Variants in DCAF6 observed in about 807,000 individuals in gnomAD.
DCAF6 encodes the protein DDB1 and CUL4 associated factor 6.
DCAF6 carries 54 observed loss-of-function variants against 125.1 expected under a neutral mutation model. The ratio of observed to expected loss-of-function variants is 0.43; its 90% CI spans 0.35 to 0.54. The LOEUF (loss-of-function observed/expected upper bound fraction) is 0.54, where lower values mean the gene tolerates loss of function less well. Ranked by LOEUF, DCAF6 falls within the 20% of genes least tolerant of loss-of-function variation. DCAF6 has a pLI of 0.01. For missense variants in DCAF6, 934 were observed against 1,161.7 expected (o/e 0.80, Z 2.85); for synonymous variants, 371 against 390.4 (o/e 0.95, Z 0.58).
At chr1:168,070,066 T>G (rs1030991074) in intron 21 of DCAF6, among the ~76,000 whole-genome samples, 12 of 152,176 alleles carry the variant, frequency 7.9e-5, no homozygotes, top group African/African-American at 2.7e-4. Context: ...AATCTATTTG[T>G]GCTAATGTAG....
chr1:167,924,042 C>T, the DCAF6 span, among the ~76,000 whole-genome samples: 2 of 152,304 alleles, frequency 1.3e-5, no homozygotes, highest in East Asian at 1.9e-4. Context: ...GTCAGAAGTC[C>T]TAGGTTCTCT....
intron 1 of DCAF6, among the ~76,000 whole-genome samples, chr1:167,948,672 G>A (rs925001698): frequency 6.6e-6 from 1 of 151,834 alleles, no homozygotes; most frequent in African/African-American, 2.4e-5. Context: ...ATTTTTTTGA[G>A]GTGGAGTCTC....
In DCAF6 at chr1:168,066,364, AT is replaced by A; in HGVS notation, c.2597-9del. On this transcript the variant is annotated splice_polypyrimidine_tract_variant and intron_variant, in intron 19 of 21. Transcript: ENST00000367840. ...TTCTAGGCTTCATATTAATATATAAATTTTATTTCTAGTTTTAGCCTCATCT... is the reference window on the plus strand; with the variant it reads ...TTCTAGGCTTCATATTAATATATAAATTTATTTCTAGTTTTAGCCTCATCT... 6.5e-7 allele frequency: 1 copy of A among 1,542,916 alleles called. No homozygotes were observed. Among genetic ancestry groups the A allele is most frequent in the Non-Finnish European group, 8.9e-7 (1 of 1,127,088 alleles).
At chr1:168,039,735 T>C (rs1375051576) in intron 13 of DCAF6, among the ~76,000 whole-genome samples, 1 of 148,518 alleles carries the variant, frequency 6.7e-6, no homozygotes, top group Non-Finnish European at 1.5e-5. Flanking sequence ...TATCTGTTAC[T>C]ATAATATATG....
the DCAF6 span, among the ~76,000 whole-genome samples, chr1:167,871,943 C>G: frequency 6.6e-6 from 1 of 152,216 alleles, no homozygotes; most frequent in Non-Finnish European, 1.5e-5. Flanking sequence ...TGCATAGCTG[C>G]ACACCAACAT....
intron 12 of DCAF6, chr1:168,023,919 T>A (rs1685982939): frequency 6.6e-6 from 1 of 152,238 alleles, no homozygotes; most frequent in Admixed American, 6.5e-5. Context: ...CTTTCTCTAT[T>A]TAAAAAGGCA....
At chr1:168,064,253 T>C (rs1692049955) in intron 18 of DCAF6, among the ~76,000 whole-genome samples, 1 of 152,098 alleles carries the variant, frequency 6.6e-6, no homozygotes, top group Non-Finnish European at 1.5e-5. Context: ...GAAATAAGAA[T>C]AGACCAGAAA....
chr1:168,000,306 T>G (rs574055811), intron 7 of DCAF6, among the ~76,000 whole-genome samples: 1 of 152,226 alleles, frequency 6.6e-6, no homozygotes, highest in East Asian at 1.9e-4. Context: ...AGGATAATAA[T>G]GAATAAGTTT....
At chr1:168,014,288 A>G (rs1353257624) in intron 10 of DCAF6, among the ~76,000 whole-genome samples, 1 of 152,200 alleles carries the variant, frequency 6.6e-6, no homozygotes, top group African/African-American at 2.4e-5. Flanking sequence ...TTAGTATACT[A>G]GCAGCATTTC....
chr1:167,925,145 G>A, the DCAF6 span, among the ~76,000 whole-genome samples: 1 of 151,702 alleles, frequency 6.6e-6, no homozygotes, highest in East Asian at 1.9e-4. Flanking sequence ...TGTCCCTCTC[G>A]AATTCACAGT....
At chr1:167,868,903 AC>A in the DCAF6 span, among the ~76,000 whole-genome samples, 1 of 152,146 alleles carries the variant, frequency 6.6e-6, no homozygotes, top group Non-Finnish European at 1.5e-5. Flanking sequence ...CACTAATAAA[AC>A]CAGTCAAGCC....
At chr1:167,871,433 A>G in the DCAF6 span, among the ~76,000 whole-genome samples, 1 of 152,238 alleles carries the variant, frequency 6.6e-6, no homozygotes, top group African/African-American at 2.4e-5. Flanking sequence ...AAAAGAAAAA[A>G]ATAAAAATCA....
Position 168,075,516 on chromosome 1 carries a change from G to C in DCAF6, c.*81G>C. 1 of 1,264,700 alleles carries C rather than the reference G, an allele frequency of 7.9e-7. No individual in the cohort carries two copies. The highest frequency in any genetic ancestry group is 1.1e-6 in the Non-Finnish European group (1 of 927,480). 78.3% of individuals were successfully genotyped at this position (1,264,700 alleles called of 1,614,324 possible). ...ATATTTTTTTCTTTACAGAGCTTTA[G>C]TGCAATTTTAAGGTTATGGTTTTTG... On this transcript the variant is annotated 3_prime_UTR_variant, in exon 22 of 22. Transcript: ENST00000367840.
chr1:167,883,503 A>G, the DCAF6 span: 2 of 1,614,246 alleles, frequency 1.2e-6, no homozygotes, highest in Non-Finnish European at 1.7e-6. Context: ...TGATGTGCAT[A>G]TAGGCATCCT....
intron 7 of DCAF6, among the ~76,000 whole-genome samples, chr1:168,002,013 G>C (rs923383479): frequency 3.3e-5 from 5 of 152,170 alleles, no homozygotes; most frequent in Non-Finnish European, 7.3e-5. Context: ...AATAGATTCT[G>C]TTTGGGAACC....
chr1:168,047,763 G>A (rs1689320052), intron 16 of DCAF6, among the ~76,000 whole-genome samples: 2 of 151,920 alleles, frequency 1.3e-5, no homozygotes, highest in Admixed American at 6.6e-5. Context: ...AAAGTGATTA[G>A]AGTAACAATT....
In DCAF6 at chr1:168,063,897, A is replaced by G. The variant is rs186494123; in HGVS notation, c.2439+138A>G. The G allele has an allele frequency of 4.0e-5, 32 of 792,546 alleles. No homozygotes were observed. The Admixed American group carries it at 1.1e-3, about 28-fold the overall frequency. The allele number at this position is 792,546 out of a possible 1,614,324, so 49.1% of individuals were successfully genotyped here. A position where few individuals can be genotyped will look rare whatever the true frequency, so the allele number is the denominator to read the frequency against. Reference sequence around the variant, plus strand: ...AAATCTTCAGTTATCTCTTTATCCAACATGGTTCTTTTAGCCCTATAATAT... The same window carrying G: ...AAATCTTCAGTTATCTCTTTATCCAGCATGGTTCTTTTAGCCCTATAATAT... On this transcript the variant is annotated intron_variant, in intron 18 of 21. Transcript: ENST00000367840.
At chr1:167,973,773 C>G (rs1470532357) in intron 3 of DCAF6, among the ~76,000 whole-genome samples, 1 of 152,014 alleles carries the variant, frequency 6.6e-6, no homozygotes, top group Non-Finnish European at 1.5e-5. Flanking sequence ...TATTGTATAT[C>G]TGTTATGGGG....
chr1:168,018,403 A>T (rs1483966701), intron 11 of DCAF6, among the ~76,000 whole-genome samples: 1 of 152,192 alleles, frequency 6.6e-6, no homozygotes, highest in Non-Finnish European at 1.5e-5. Flanking sequence ...ACTCTTTGTC[A>T]TCAGTCTTAT....
Sources: gnomAD v4.1 joint callset for allele counts (sites outside exome capture counted in the v4.1 genomes callset) on GRCh38, gnomAD v4.1.1 for gene constraint, MANE v1.5 for transcripts, NCBI Gene and HGNC (gene_info 2026-07-23, HGNC 2026-07-21) for gene names.